The following DYNC1LI1 variants were observed in gnomAD, a reference collection of about 807,000 sequenced individuals.
DYNC1LI1 encodes the protein cytoplasmic dynein 1 light intermediate chain 1.
Under a neutral mutation model 63.8 loss-of-function variants are expected in DYNC1LI1, and 19 were observed. The ratio of observed to expected loss-of-function variants is 0.30; its 90% confidence interval spans 0.21 to 0.44. DYNC1LI1 has a LOEUF of 0.44. DYNC1LI1 is among the 20% of genes least tolerant of loss of function. DYNC1LI1 has a pLI of 1.00. For missense variants in DYNC1LI1, 565 were observed against 630.2 expected (o/e 0.90, Z 1.11); for synonymous variants, 225 against 232.3 (o/e 0.97, Z 0.28).
intron 2 of DYNC1LI1, among the ~76,000 whole-genome samples, chr3:32,546,585 A>C (rs1697956038): frequency 1.3e-5 from 2 of 152,160 alleles, no homozygotes; most frequent in South Asian, 4.1e-4. Flanking sequence ...ATGTCATCCC[A>C]GTTTAATCTA....
chr3:32,535,456 A>G (rs571405527), intron 6 of DYNC1LI1, among the ~76,000 whole-genome samples: 2 of 152,338 alleles, frequency 1.3e-5, no homozygotes, highest in Admixed American at 6.5e-5. Context: ...TGCTGGGAGT[A>G]CAGTCTAACT....
intron 10 of DYNC1LI1, 121 bp from the exon 11 acceptor site, chr3:32,529,781 C>T (rs2125428865): frequency 1.2e-6 from 1 of 802,602 alleles, no homozygotes; most frequent in Non-Finnish European, 1.9e-6. Flanking sequence ...TTTTACACTG[C>T]AAGCCATTGA....
At chr3:32,530,067 G>A (rs1020471059) in intron 10 of DYNC1LI1, among the ~76,000 whole-genome samples, 5 of 152,092 alleles carry the variant, frequency 3.3e-5, no homozygotes, top group Admixed American at 3.3e-4. Flanking sequence ...GCGGTTGTGA[G>A]AATTTGTAAA....
At chr3:32,533,567 T>C (rs1317505794) in intron 7 of DYNC1LI1, among the ~76,000 whole-genome samples, 5 of 72,112 alleles carry the variant, frequency 6.9e-5, no homozygotes, top group African/African-American at 9.9e-5. Flanking sequence ...TACGGTTACC[T>C]TTTTTTTTTT....
At position 32,538,019 on chromosome 3, in the gene DYNC1LI1, AT is replaced by A. The variant is rs1314491317; in HGVS notation, c.739-916del. Among the ~76,000 whole-genome samples, 112 of 27,120 alleles carry A rather than the reference AT, an allele frequency of 4.1e-3. 7 individuals are homozygous for A. The highest frequency in any genetic ancestry group is 9.3e-3 in the African/African-American group (39 of 4,174). The allele number at this position is 27,120 out of a possible 152,430, so 17.8% of individuals were successfully genotyped here. A position where few individuals can be genotyped will look rare whatever the true frequency, so the allele number is the denominator to read the frequency against. On this transcript the variant is annotated intron_variant, in intron 5 of 12. Coordinates refer to ENST00000273130, the MANE Select transcript of DYNC1LI1 (RefSeq NM_016141.4). Reference sequence around the variant, plus strand: ...TAATTTATATATATAATATATATATATAATTTATATATATAATATATATATA... The same window carrying A: ...TAATTTATATATATAATATATATATAAATTTATATATATAATATATATATA...
intron 2 of DYNC1LI1, among the ~76,000 whole-genome samples, chr3:32,564,327 A>AGTGT (rs1698231830): frequency 3.3e-5 from 5 of 152,322 alleles, no homozygotes; most frequent in African/African-American, 1.2e-4. Flanking sequence ...ATAAACAAAC[A>AGTGT]AACAAGCAAA....
chr3:32,549,984 T>G (rs1698009917), intron 2 of DYNC1LI1, among the ~76,000 whole-genome samples: 1 of 152,248 alleles, frequency 6.6e-6, no homozygotes. Flanking sequence ...TCATATTATC[T>G]AGAAATAATC....
At chr3:32,556,849 C>T (rs1409000264) in intron 2 of DYNC1LI1, among the ~76,000 whole-genome samples, 2 of 152,196 alleles carry the variant, frequency 1.3e-5, no homozygotes, top group Non-Finnish European at 2.9e-5. Flanking sequence ...TTCGCTATTT[C>T]TTGATTCCAA....
rs1190116643 is a variant in DYNC1LI1, at chr3:32,538,037, A to ATATATATAATT, written c.739-934_739-933insAATTATATATA. The stretch of plus-strand genomic sequence containing the variant: ...TATATATATAATTTATATATATAAT[A>ATATATATAATT]TATATATATAATTATATATATATAA... On this transcript the variant is annotated intron_variant, in intron 5 of 12. Transcript: ENST00000273130. Among the ~76,000 whole-genome samples, 7 of 8,758 alleles carry ATATATATAATT rather than the reference A, an allele frequency of 8.0e-4. 2 individuals carry two copies. The highest frequency in any genetic ancestry group is 7.0e-3 in the African/African-American group (5 of 710). 5.7% of individuals were successfully genotyped at this position (8,758 alleles called of 152,430 possible). A position where few individuals can be genotyped will look rare whatever the true frequency, so the allele number is the denominator to read the frequency against.
intron 2 of DYNC1LI1, among the ~76,000 whole-genome samples, chr3:32,554,434 T>C (rs1698084453): frequency 6.6e-6 from 1 of 152,214 alleles, no homozygotes; most frequent in Non-Finnish European, 1.5e-5. Context: ...TCACTTCTTG[T>C]AACAAGTTAG....
chr3:32,528,466 G>A lies in DYNC1LI1; in HGVS notation c.1442C>T (p.Pro481Leu). The A allele has an allele frequency of 6.2e-7, 1 of 1,614,058 alleles. No individual in the cohort carries two copies. The highest frequency in any genetic ancestry group is 8.5e-7 in the Non-Finnish European group (1 of 1,179,986). ...CATACCTGACTTTTTGGTGGATGGT[G>A]GTAAACCACTGCTTCCACCTCCAGC... ...GGAGGGSSGLPPSTKKSGQKP... is the reference protein window; with the variant it reads ...GGAGGGSSGLLPSTKKSGQKP... Residue 481 changes from proline (P) to leucine (L), a missense_variant, in exon 12 of 13, where the codon CCA becomes CTA. Coordinates refer to ENST00000273130, the MANE Select transcript of DYNC1LI1 (RefSeq NM_016141.4).
chr3:32,546,054 G>C (rs892141711), intron 2 of DYNC1LI1, 89 bp from the exon 3 acceptor site: 45 of 850,714 alleles, frequency 5.3e-5, no homozygotes, highest in Middle Eastern at 3.0e-4. Context: ...AACCCAACTG[G>C]AACTAGCTTC....
intron 7 of DYNC1LI1, among the ~76,000 whole-genome samples, chr3:32,534,207 T>C (rs1697743463): frequency 6.6e-6 from 1 of 152,194 alleles, no homozygotes; most frequent in Non-Finnish European, 1.5e-5. Flanking sequence ...CTAGATCTCA[T>C]ATTTGGTCAT....
intron 2 of DYNC1LI1, chr3:32,566,477 G>A (rs1044773569): frequency 1.0e-4 from 19 of 188,390 alleles, no homozygotes; most frequent in African/African-American, 3.8e-4. Context: ...TATGCCCAGC[G>A]CAGTGGCTCA....
chr3:32,547,089 A>G (rs1357346996), intron 2 of DYNC1LI1, among the ~76,000 whole-genome samples: 2 of 152,086 alleles, frequency 1.3e-5, no homozygotes, highest in Non-Finnish European at 2.9e-5. Context: ...TAAAAATACA[A>G]AAAATTAGCA....
intron 2 of DYNC1LI1, among the ~76,000 whole-genome samples, chr3:32,556,710 T>A (rs1018592107): frequency 5.3e-5 from 8 of 152,130 alleles, no homozygotes; most frequent in Non-Finnish European, 8.8e-5. Context: ...CCTGGCTAAT[T>A]TTTTAATTTT....
chr3:32,526,653 C>CAA lies in DYNC1LI1; in HGVS notation c.*145_*146insTT. The CAA allele has an allele frequency of 2.0e-6, 1 of 498,784 alleles. No homozygotes were observed. Among genetic ancestry groups the CAA allele is most frequent in the Non-Finnish European group, 3.7e-6 (1 of 273,312 alleles). The allele number at this position is 498,784 out of a possible 1,614,324, so 30.9% of individuals were successfully genotyped here. ...ACGGCTCCTTCTAAAAAATGGGTAA[C>CAA]CACACACACACACACACACACACAC... On this transcript the variant is annotated 3_prime_UTR_variant, in exon 13 of 13. Transcript: ENST00000273130.
At position 32,532,506 on chromosome 3, in the gene DYNC1LI1, T is replaced by TATATATAA. The variant is rs1375889866; in HGVS notation, c.1080+479_1080+480insTTATATAT. 1.6e-3 allele frequency: 237 copies of TATATATAA among 145,828 alleles called. 1 individual carries two copies. Among genetic ancestry groups the TATATATAA allele is most frequent in the African/African-American group, 5.4e-3 (213 of 39,790 alleles). 9.0% of individuals were successfully genotyped at this position (145,828 alleles called of 1,614,324 possible). ...ATGTGTGTATATATATATATATATA[T>TATATATAA]AAAATTGAAAGTTCTTGGATAGCTG... On this transcript the variant is annotated intron_variant, in intron 8 of 12. Transcript: ENST00000273130.
intron 7 of DYNC1LI1, among the ~76,000 whole-genome samples, chr3:32,533,531 G>A (rs929893220): frequency 2.6e-5 from 4 of 151,674 alleles, no homozygotes; most frequent in African/African-American, 7.3e-5. Context: ...GGGGAAGGGG[G>A]CAGTAATTAT....
Sources: allele counts gnomAD v4.1 joint callset (sites outside exome capture counted in the v4.1 genomes callset), GRCh38; gene constraint gnomAD v4.1.1; transcripts MANE v1.5; gene names NCBI Gene and HGNC (gene_info 2026-07-23, HGNC 2026-07-21).